PLCH2: variants seen among roughly 807,000 people sequenced by gnomAD.
The protein encoded by PLCH2 is phospholipase C eta 2, also known as 1-phosphatidylinositol 4,5-bisphosphate phosphodiesterase eta-2.
In PLCH2, 98 loss-of-function variants were observed where a neutral mutation model predicts 134.7. The observed-to-expected ratio is 0.73, with a 90% CI of 0.62 to 0.86. PLCH2 has a LOEUF of 0.86. Among genes scored for constraint, PLCH2 ranks in the 40% least tolerant of loss-of-function variants. PLCH2 has a pLI of 0.00. For synonymous variants in PLCH2, 974 were observed against 827.5 expected, an observed-to-expected ratio of 1.18 and a Z score of -3.04; for missense variants, 1,994 against 1,986.6, an observed-to-expected ratio of 1.00 and a Z score of -0.07.
Position 2,498,824 on chromosome 1 carries a change from C to A in PLCH2, c.2430C>A (p.Asp810Glu). 1 of 1,607,280 alleles carries A rather than the reference C, an allele frequency of 6.2e-7. No individual in the cohort carries two copies. The highest frequency in any genetic ancestry group is 8.5e-7 in the Non-Finnish European group (1 of 1,175,870). Residue 810 changes from aspartate to glutamate, a missense_variant, in exon 18 of 22, where the codon GAC (aspartate) becomes GAA (glutamate). Physicochemically the swap from Asp to Glu is conservative, Grantham distance 45. This residue lies in a region of PLCH2 where 1,094 missense variants were observed against 1,234.3 expected (regional missense o/e 0.89). Coordinates refer to ENST00000378486, the MANE Select transcript of PLCH2 (RefSeq NM_014638.4). The surrounding 1 kb of genome is among the most constrained non-coding windows in gnomAD (Gnocchi z 5.4). The part of the protein sequence containing the change: ...CSREQTRVVD[D>E]NGFNPTWEET... Reference sequence around the variant, plus strand: ...GGGAGCAGACCCGCGTGGTGGACGACAACGGTGAGGCTGGGCCGTGGCTCC... The same window carrying A: ...GGGAGCAGACCCGCGTGGTGGACGAAAACGGTGAGGCTGGGCCGTGGCTCC...
At chr1:2,426,151 C>T (rs1638787438) in intron 1 of PLCH2, 1 of 152,268 alleles carries the variant, frequency 6.6e-6, no homozygotes, top group Non-Finnish European at 1.5e-5. Flanking sequence ...AGCCGAGGCC[C>T]AGGGTGTCAC....
intron 2 of PLCH2, among the ~76,000 whole-genome samples, chr1:2,431,955 A>G (rs1428273801): frequency 6.6e-6 from 1 of 152,070 alleles, no homozygotes; most frequent in Non-Finnish European, 1.5e-5. Flanking sequence ...ACCTGTGCAC[A>G]TTAGGGTGGT....
intron 2 of PLCH2, among the ~76,000 whole-genome samples, chr1:2,436,087 T>TCCCTTCCTCTCTCCTCCCTCC (rs1639333129): frequency 1.7e-5 from 1 of 58,536 alleles, no homozygotes; most frequent in African/African-American, 7.4e-5. Context: ...CTCCTCCCTC[T>TCCCTTCCTCTCTCCTCCCTCC]TCCCCTCCTC....
chr1:2,487,285 C>A lies in PLCH2; in HGVS notation c.1023C>A (p.His341Gln), dbSNP rs771764021. ...GCCACTACTTCATCACCTCGTCCCA[C>A]AACACCTACCTCGTGGGTGACCAGC... is the stretch of plus-strand genomic sequence containing the variant. ...PLSHYFITSS[H>Q]NTYLVGDQLM... Residue 341 changes from histidine (H) to glutamine (Q), a missense_variant, in exon 7 of 22, where the codon CAC becomes CAA. His to Gln is a conservative substitution (Grantham distance 24). Transcript: ENST00000378486. 6.2e-7 allele frequency: 1 copy of A among 1,613,890 alleles called. No individual in the cohort carries two copies. The highest frequency in any genetic ancestry group is 1.1e-5 in the South Asian group (1 of 91,054).
intron 2 of PLCH2, among the ~76,000 whole-genome samples, chr1:2,445,132 C>T (rs1351232720): frequency 1.3e-5 from 2 of 152,118 alleles, no homozygotes; most frequent in African/African-American, 4.8e-5. Flanking sequence ...TAAGCCAGGG[C>T]CACATTCTCC....
At chr1:2,434,714 G>A (rs1002694520) in intron 2 of PLCH2, among the ~76,000 whole-genome samples, 6 of 152,124 alleles carry the variant, frequency 3.9e-5, no homozygotes, top group Admixed American at 2.0e-4. Flanking sequence ...GCTGCCAGCC[G>A]CACTAAAAGT....
At chr1:2,491,126 G>A (rs945456171) in intron 10 of PLCH2, 66 bp from the exon 11 acceptor site, 110 of 1,487,658 alleles carry the variant, frequency 7.4e-5, no homozygotes, top group Non-Finnish European at 9.5e-5. Flanking sequence ...GACCCTGGGG[G>A]TTGTCATTGC....
chr1:2,502,044 C>G (rs2100740791), intron 20 of PLCH2, 68 bp from the exon 21 acceptor site: 1 of 1,340,386 alleles, frequency 7.5e-7, no homozygotes, highest in African/African-American at 1.5e-5. Flanking sequence ...GGAGAGCTGG[C>G]CCTGGGGGAG....
At chr1:2,435,630 G>A (rs1008610054) in intron 2 of PLCH2, among the ~76,000 whole-genome samples, 4 of 152,062 alleles carry the variant, frequency 2.6e-5, no homozygotes, top group African/African-American at 7.2e-5. Flanking sequence ...CGAGTGCAGC[G>A]TGACACGGCT....
At chr1:2,440,414 C>T (rs201845109) in intron 2 of PLCH2, among the ~76,000 whole-genome samples, 3 of 150,788 alleles carry the variant, frequency 2.0e-5, no homozygotes, top group South Asian at 4.4e-4. Flanking sequence ...CTGTCGCTGG[C>T]CTTGCCCGGC....
chr1:2,421,934 A>T (rs1236287939), upstream of PLCH2, among the ~76,000 whole-genome samples: 1 of 151,996 alleles, frequency 6.6e-6, no homozygotes, highest in East Asian at 1.9e-4. Context: ...AGATCACGCC[A>T]CTACACTCCA....
intron 11 of PLCH2, chr1:2,494,414 C>T (rs910977154): frequency 8.7e-6 from 2 of 230,920 alleles, no homozygotes; most frequent in Non-Finnish European, 1.7e-5. Context: ...GGGATACCCG[C>T]GCACTGCGGG....
chr1:2,416,398 G>GTGACA, the PLCH2 span, among the ~76,000 whole-genome samples: 8 of 152,142 alleles, frequency 5.3e-5, no homozygotes, highest in South Asian at 2.1e-4. Context: ...CCCGAGTACA[G>GTGACA]GGACTGTAGG....
intron 2 of PLCH2, among the ~76,000 whole-genome samples, chr1:2,461,790 C>G (rs1380333233): frequency 1.3e-5 from 2 of 152,108 alleles, no homozygotes; most frequent in African/African-American, 4.8e-5. Flanking sequence ...TTGGGGGAAC[C>G]AGGAGCAGGG....
intron 4 of PLCH2, among the ~76,000 whole-genome samples, chr1:2,481,029 C>T (rs1048818878): frequency 3.9e-5 from 6 of 152,194 alleles, no homozygotes; most frequent in African/African-American, 9.7e-5. Context: ...CACACGCACA[C>T]GCATGCACGT....
Position 2,504,701 on chromosome 1 carries a change from G to A in PLCH2, c.3739G>A (p.Asp1247Asn), listed in dbSNP as rs1402012140. 5.0e-6 allele frequency: 8 copies of A among 1,612,510 alleles called. No homozygotes were observed. The South Asian group carries it at 8.8e-5, about 18-fold the overall frequency. Residue 1247 changes from aspartate (D) to asparagine (N), a missense_variant, in exon 22 of 22, where the codon GAC becomes AAC. By Grantham distance (23) the Asp-to-Asn change is conservative (BLOSUM62 1). This residue lies in a region of PLCH2 where 900 missense variants were observed against 752.3 expected (regional missense o/e 1.20). Transcript: ENST00000378486. ...WGCLSLVGVQ[D>N]CPVAAKSKSL... Reference sequence around the variant, plus strand: ...CTGCCTTTCCCTGGTGGGCGTGCAGGACTGCCCCGTGGCTGCCAAGTCCAA... The same window carrying A: ...CTGCCTTTCCCTGGTGGGCGTGCAGAACTGCCCCGTGGCTGCCAAGTCCAA...
At chr1:2,432,361 T>C (rs1003856851) in intron 2 of PLCH2, among the ~76,000 whole-genome samples, 1 of 152,114 alleles carries the variant, frequency 6.6e-6, no homozygotes, top group African/African-American at 2.4e-5. Flanking sequence ...GGGGCCCAGG[T>C]TGGGGGCCGT....
chr1:2,440,783 G>C (rs1639656226), intron 2 of PLCH2, among the ~76,000 whole-genome samples: 1 of 152,226 alleles, frequency 6.6e-6, no homozygotes, highest in Admixed American at 6.5e-5. Flanking sequence ...TTTCCAATTT[G>C]CGTTTCGGTT....
chr1:2,505,225 G>A lies in PLCH2; in HGVS notation c.*12G>A, dbSNP rs1258509023. Reference sequence around the variant, plus strand: ...TGCTCCGCCTCTGACCGTCAGTGGTGGGAACCTGGGCGGCTCTGGAGGCCC... The same window carrying A: ...TGCTCCGCCTCTGACCGTCAGTGGTAGGAACCTGGGCGGCTCTGGAGGCCC... On this transcript the variant is annotated 3_prime_UTR_variant, in exon 22 of 22. Coordinates refer to ENST00000378486, the MANE Select transcript of PLCH2 (RefSeq NM_014638.4). The A allele has an allele frequency of 6.4e-7, 1 of 1,559,960 alleles. No individual in the cohort carries two copies. The highest frequency in any genetic ancestry group is 8.6e-7 in the Non-Finnish European group (1 of 1,162,062).
Sources: gnomAD v4.1 joint callset for allele counts (sites outside exome capture counted in the v4.1 genomes callset) on GRCh38, gnomAD v4.1.1 for gene constraint, gnomAD v4.1.1 regional missense constraint, Gnocchi (gnomAD v3.1) non-coding constraint, MANE v1.5 for transcripts, NCBI Gene and HGNC (gene_info 2026-07-23, HGNC 2026-07-21) for gene names.